The following CDH12 variants were observed in gnomAD, a reference collection of about 807,000 sequenced individuals.
CDH12 encodes cadherin-12.
In CDH12, 41 loss-of-function variants were observed where a neutral mutation model predicts 74.1. That is an observed-to-expected ratio of 0.55 (90% CI 0.43 to 0.72). The LOEUF is 0.72. Among genes scored for constraint, CDH12 ranks in the 30% least tolerant of loss-of-function variants. The pLI is 0.00. For missense variants in CDH12, 945 were observed against 977.2 expected (o/e 0.97, Z 0.44); for synonymous variants, 399 against 355.0 (o/e 1.12, Z -1.39).
chr5:22,119,114 A>T (rs984559484), intron 4 of CDH12, among the ~76,000 whole-genome samples: 3 of 152,108 alleles, frequency 2.0e-5, no homozygotes, highest in Non-Finnish European at 4.4e-5. Flanking sequence ...GACTGTGTAC[A>T]TTACATGCAG....
At chr5:22,447,313 A>G (rs1744853729) in intron 2 of CDH12, among the ~76,000 whole-genome samples, 2 of 151,982 alleles carry the variant, frequency 1.3e-5, no homozygotes, top group Non-Finnish European at 2.9e-5. Context: ...GATGACTTTT[A>G]TCAATAGGCA....
chr5:21,880,557 T>TC lies in CDH12; in HGVS notation c.527-25768dup, dbSNP rs1561267955. ...TCTTTTCCTTCCTTCCTTCCTTCCT[T>TC]CCTTCCCTTCTTTCTTTCCTTCCTT... On this transcript the variant is annotated intron_variant, in intron 6 of 14. Transcript: ENST00000382254. Among the ~76,000 whole-genome samples the TC allele has an allele frequency of 1.2e-3, 153 of 128,672 alleles. 7 individuals are homozygous for TC. The highest frequency in any genetic ancestry group is 4.1e-3 in the African/African-American group (143 of 35,142). The allele number at this position is 128,672 out of a possible 152,430, so 84.4% of individuals were successfully genotyped here. A position where few individuals can be genotyped will look rare whatever the true frequency, so the allele number is the denominator to read the frequency against.
At chr5:21,948,540 T>C (rs937326315) in intron 6 of CDH12, among the ~76,000 whole-genome samples, 21 of 152,222 alleles carry the variant, frequency 1.4e-4, no homozygotes, top group Non-Finnish European at 2.8e-4. Context: ...ACTAACTTGC[T>C]TTTGATTTTA....
chr5:21,851,198 C>T (rs1373241574), intron 7 of CDH12, among the ~76,000 whole-genome samples: 1 of 151,114 alleles, frequency 6.6e-6, no homozygotes, highest in East Asian at 1.9e-4. Flanking sequence ...TACCTAGTTA[C>T]TGAACTCAGA....
chr5:22,367,166 T>C (rs192078097), intron 3 of CDH12, among the ~76,000 whole-genome samples: 131 of 152,284 alleles, frequency 8.6e-4, no homozygotes, highest in Admixed American at 2.2e-3. Flanking sequence ...TGAAATCTTA[T>C]TTTATCCTCT....
intron 4 of CDH12, among the ~76,000 whole-genome samples, chr5:22,191,552 G>GT (rs1750276816): frequency 2.7e-5 from 3 of 109,700 alleles, no homozygotes; most frequent in Admixed American, 2.7e-4. Context: ...TACACCAATG[G>GT]TCTTTTTATT....
chr5:22,318,763 A>G (rs961070864), intron 3 of CDH12, among the ~76,000 whole-genome samples: 6 of 152,302 alleles, frequency 3.9e-5, no homozygotes, highest in South Asian at 2.1e-4. Flanking sequence ...ATGCTTGTAT[A>G]TGTACATGTG....
At chr5:22,410,538 T>C (rs1331415498) in intron 2 of CDH12, among the ~76,000 whole-genome samples, 1 of 152,132 alleles carries the variant, frequency 6.6e-6, no homozygotes, top group East Asian at 1.9e-4. Context: ...TACATGGCTA[T>C]CTATATTTTG....
At chr5:21,789,180 C>A (rs1746358306) in intron 10 of CDH12, among the ~76,000 whole-genome samples, 1 of 152,056 alleles carries the variant, frequency 6.6e-6, no homozygotes, top group South Asian at 2.1e-4. Context: ...ATATATGTTA[C>A]ATACATATAT....
chr5:21,814,408 T>C (rs953009127), intron 9 of CDH12, among the ~76,000 whole-genome samples: 1 of 151,942 alleles, frequency 6.6e-6, no homozygotes, highest in Non-Finnish European at 1.5e-5. Flanking sequence ...ATAGTTGAAC[T>C]TACATAACTG....
At chr5:22,351,619 G>A (rs372350631) in intron 3 of CDH12, among the ~76,000 whole-genome samples, 4 of 151,968 alleles carry the variant, frequency 2.6e-5, no homozygotes, top group Non-Finnish European at 2.9e-5. Context: ...TTGCATATTC[G>A]TGTCTCACCA....
At chr5:22,418,976 A>C (rs1466336380) in intron 2 of CDH12, among the ~76,000 whole-genome samples, 1 of 152,164 alleles carries the variant, frequency 6.6e-6, no homozygotes, top group Non-Finnish European at 1.5e-5. Flanking sequence ...TTTAGCATGA[A>C]GGGGTGTTGA....
intron 1 of CDH12, among the ~76,000 whole-genome samples, chr5:22,585,768 T>C (rs912865594): frequency 9.9e-5 from 15 of 152,192 alleles, no homozygotes; most frequent in Non-Finnish European, 7.3e-5. Flanking sequence ...GCTTTTTTAC[T>C]TTTTTGGAGC....
At chr5:22,788,002 G>T (rs1006092449) in intron 1 of CDH12, among the ~76,000 whole-genome samples, 9 of 152,180 alleles carry the variant, frequency 5.9e-5, no homozygotes, top group African/African-American at 1.9e-4. Context: ...CAAGGGATGA[G>T]TGTCACACAA....
intron 3 of CDH12, among the ~76,000 whole-genome samples, chr5:22,352,663 G>C (rs957084348): frequency 6.6e-6 from 1 of 152,162 alleles, no homozygotes; most frequent in East Asian, 1.9e-4. Context: ...TGTCATGAAA[G>C]AGAACCAGTT....
At chr5:22,349,992 G>A (rs1740292043) in intron 3 of CDH12, among the ~76,000 whole-genome samples, 1 of 152,116 alleles carries the variant, frequency 6.6e-6, no homozygotes, top group Non-Finnish European at 1.5e-5. Flanking sequence ...GAGCAACAGT[G>A]GGCTTATTAC....
At chr5:22,482,158 C>T (rs980303584) in intron 2 of CDH12, among the ~76,000 whole-genome samples, 1 of 152,052 alleles carries the variant, frequency 6.6e-6, no homozygotes, top group African/African-American at 2.4e-5. Flanking sequence ...TGAGAGAATA[C>T]CAACTAAGAG....
At chr5:22,582,832 G>C (rs1433866780) in intron 1 of CDH12, among the ~76,000 whole-genome samples, 1 of 152,142 alleles carries the variant, frequency 6.6e-6, no homozygotes, top group Non-Finnish European at 1.5e-5. Flanking sequence ...ATCTGAATTT[G>C]TCAAACTAGA....
Position 22,138,845 on chromosome 5 carries a change from A to T in CDH12, c.-186-59983T>A, listed in dbSNP as rs1382445459. ...AATATATATGTGTACATATATACGT[A>T]ATATATATATATATATATATATATA... On this transcript the variant is annotated intron_variant, in intron 4 of 14. Transcript: ENST00000382254. Among the ~76,000 whole-genome samples the T allele has an allele frequency of 7.3e-3, 558 of 76,522 alleles. 7 individuals carry two copies. Among genetic ancestry groups the T allele is most frequent in the Middle Eastern group, 0.022 (2 of 92 alleles). The allele number at this position is 76,522 out of a possible 152,430, so 50.2% of individuals were successfully genotyped here.
Sources: gnomAD v4.1 joint callset for allele counts (sites outside exome capture counted in the v4.1 genomes callset) on GRCh38, gnomAD v4.1.1 for gene constraint, MANE v1.5 for transcripts, NCBI Gene and HGNC (gene_info 2026-07-23, HGNC 2026-07-21) for gene names.